Variants in SLIT3 observed in about 807,000 individuals in gnomAD.
The protein encoded by SLIT3 is slit guidance ligand 3, also known as slit homolog 3 protein.
Under a neutral mutation model 184.0 loss-of-function variants are expected in SLIT3, and 68 were observed. The ratio of observed to expected loss-of-function variants is 0.37; its 90% CI spans 0.30 to 0.45. SLIT3 has a LOEUF of 0.45. SLIT3 is among the 20% of genes least tolerant of loss of function. The pLI, the probability that SLIT3 is intolerant of heterozygous loss-of-function variation, is 1.00. For synonymous variants in SLIT3, 831 were observed against 828.6 expected, an observed-to-expected ratio of 1.00 and a Z score of -0.05; for missense variants, 1,707 against 2,026.0, an observed-to-expected ratio of 0.84 and a Z score of 3.02.
At chr5:169,006,312 C>A (rs964299498) in intron 4 of SLIT3, among the ~76,000 whole-genome samples, 2 of 152,166 alleles carry the variant, frequency 1.3e-5, no homozygotes, top group African/African-American at 4.8e-5. Flanking sequence ...AGCTTCTTCA[C>A]CTAAGAGATG....
At chr5:168,960,299 T>A (rs973962001) in intron 4 of SLIT3, among the ~76,000 whole-genome samples, 5 of 152,182 alleles carry the variant, frequency 3.3e-5, no homozygotes, top group African/African-American at 1.2e-4. Flanking sequence ...AGGCAGAAGT[T>A]AAGGAGCCAT....
chr5:169,300,089 C>T lies in SLIT3; in HGVS notation c.197+424G>A, dbSNP rs1293798335. Among the ~76,000 whole-genome samples the T allele has an allele frequency of 6.6e-6, 1 of 152,224 alleles. No homozygotes were observed. The highest frequency in any genetic ancestry group is 2.4e-5 in the African/African-American group (1 of 41,460). ...TCCAAGCAGGTCAACAGTCTCGGGCCCTCTCTCCCGCCTCCGCGCCTTGAC... is the reference window on the plus strand; with the variant it reads ...TCCAAGCAGGTCAACAGTCTCGGGCTCTCTCTCCCGCCTCCGCGCCTTGAC... On this transcript the variant is annotated intron_variant, in intron 1 of 35. Transcript: ENST00000519560. The surrounding 1 kb of genome is among the most constrained non-coding windows in gnomAD (Gnocchi z 4.1).
intron 4 of SLIT3, among the ~76,000 whole-genome samples, chr5:168,916,879 C>A (rs1761452893): frequency 6.6e-6 from 1 of 152,162 alleles, no homozygotes; most frequent in South Asian, 2.1e-4. Context: ...GGTAGATTGA[C>A]TCGGGGCTGG....
At chr5:169,092,116 C>T (rs1294031630) in intron 4 of SLIT3, among the ~76,000 whole-genome samples, 1 of 152,070 alleles carries the variant, frequency 6.6e-6, no homozygotes, top group African/African-American at 2.4e-5. Flanking sequence ...CCACCTACTT[C>T]GGAGGCTGAG....
At chr5:168,810,483 A>G (rs1053427496) in intron 8 of SLIT3, among the ~76,000 whole-genome samples, 1 of 152,216 alleles carries the variant, frequency 6.6e-6, no homozygotes, top group Non-Finnish European at 1.5e-5. Flanking sequence ...TCATTTTTAA[A>G]TAAGTGTCCA....
chr5:168,680,216 G>C (rs147338726), intron 32 of SLIT3, among the ~76,000 whole-genome samples: 6 of 152,336 alleles, frequency 3.9e-5, no homozygotes, highest in African/African-American at 1.4e-4. Flanking sequence ...TGGCCATTTG[G>C]CCTTGCTGGC....
chr5:169,129,959 C>T (rs1055414048), intron 4 of SLIT3, among the ~76,000 whole-genome samples: 2 of 152,106 alleles, frequency 1.3e-5, no homozygotes, highest in African/African-American at 4.8e-5. Context: ...AGCGATTCTC[C>T]TGCCTCAGCC....
intron 5 of SLIT3, among the ~76,000 whole-genome samples, chr5:168,849,764 T>G (rs766680335): frequency 2.0e-5 from 3 of 152,222 alleles, no homozygotes; most frequent in Non-Finnish European, 4.4e-5. Context: ...TATATATATG[T>G]TCATCAATGT....
At chr5:169,128,319 T>A (rs182886682) in intron 4 of SLIT3, among the ~76,000 whole-genome samples, 48 of 150,070 alleles carry the variant, frequency 3.2e-4, no homozygotes, top group African/African-American at 1.2e-3. Context: ...ATAAATTTTT[T>A]AAATTTGTCT....
At chr5:169,260,830 A>G (rs2113612774) in intron 1 of SLIT3, among the ~76,000 whole-genome samples, 1 of 152,340 alleles carries the variant, frequency 6.6e-6, no homozygotes, top group East Asian at 1.9e-4. Context: ...CTCTGCCCAT[A>G]AGAAACTCAG....
At chr5:169,169,008 T>G (rs1346653655) in intron 4 of SLIT3, among the ~76,000 whole-genome samples, 1 of 150,942 alleles carries the variant, frequency 6.6e-6, no homozygotes, top group Admixed American at 6.7e-5. Context: ...TCCCAAGCCC[T>G]GTGATCCCAG....
At chr5:169,177,691 T>G (rs1252980919) in intron 4 of SLIT3, among the ~76,000 whole-genome samples, 1 of 152,092 alleles carries the variant, frequency 6.6e-6, no homozygotes, top group East Asian at 1.9e-4. Context: ...GAAAAGAAAA[T>G]GATGCCGATT....
intron 4 of SLIT3, among the ~76,000 whole-genome samples, chr5:169,118,539 G>C (rs546238610): frequency 6.6e-6 from 1 of 152,090 alleles, no homozygotes; most frequent in South Asian, 2.1e-4. Context: ...TCCTAGGCAG[G>C]ACCGAGTCAA....
In SLIT3 at chr5:169,153,660, A is replaced by G. The variant is rs117842649; in HGVS notation, c.413+39819T>C. On this transcript the variant is annotated intron_variant, in intron 4 of 35. Coordinates refer to ENST00000519560, the MANE Select transcript of SLIT3 (RefSeq NM_003062.4). ...AGTCTGCCTGAAGGGCTTGTCCTAA[A>G]TCAGCACAAGAAGTTAATTATCTCT... is the stretch of plus-strand genomic sequence containing the variant. Among the ~76,000 whole-genome samples, 152 of 152,366 alleles carry G rather than the reference A, an allele frequency of 1.0e-3. No homozygotes were observed. The East Asian group carries it at 0.026, about 26-fold the overall frequency.
intron 25 of SLIT3, among the ~76,000 whole-genome samples, chr5:168,709,778 C>T (rs1055539275): frequency 4.0e-5 from 6 of 150,638 alleles, no homozygotes; most frequent in Non-Finnish European, 7.4e-5. Context: ...ATGAAAAGTA[C>T]GTTTTTGATG....
chr5:169,144,736 T>C (rs369804059), intron 4 of SLIT3, among the ~76,000 whole-genome samples: 4 of 152,220 alleles, frequency 2.6e-5, no homozygotes, highest in African/African-American at 7.2e-5. Flanking sequence ...GGCAGGAGAA[T>C]GCCCAATGGC....
At chr5:168,906,846 GTTTA>G (rs1262479892) in intron 4 of SLIT3, among the ~76,000 whole-genome samples, 1 of 152,002 alleles carries the variant, frequency 6.6e-6, no homozygotes, top group African/African-American at 2.4e-5. Context: ...TTGATTTTTT[GTTTA>G]TTTATTTATT....
At chr5:168,994,983 C>A (rs1344030037) in intron 4 of SLIT3, among the ~76,000 whole-genome samples, 6 of 152,144 alleles carry the variant, frequency 3.9e-5, no homozygotes, top group Non-Finnish European at 8.8e-5. Context: ...ATAATGCTTA[C>A]AACAAGCCTA....
chr5:169,026,170 T>C (rs1045490212), intron 4 of SLIT3: 1 of 152,218 alleles, frequency 6.6e-6, no homozygotes, highest in African/African-American at 2.4e-5. Flanking sequence ...GATTAGGATA[T>C]TCTGAGAACT....
Sources: allele counts gnomAD v4.1 joint callset (sites outside exome capture counted in the v4.1 genomes callset), GRCh38; gene constraint gnomAD v4.1.1; non-coding constraint Gnocchi (gnomAD v3.1); transcripts MANE v1.5; gene names NCBI Gene and HGNC (gene_info 2026-07-23, HGNC 2026-07-21).